The following ABCA3 variants were observed in gnomAD, a reference collection of about 807,000 sequenced individuals.
ABCA3 encodes ATP binding cassette subfamily A member 3, also known as phospholipid-transporting ATPase ABCA3.
In ABCA3, 88 loss-of-function variants were observed where a neutral mutation model predicts 172.8. The observed-to-expected ratio is 0.51, with a 90% CI of 0.43 to 0.61. The LOEUF (loss-of-function observed/expected upper bound fraction) is 0.61, where lower values mean the gene tolerates loss of function less well. Among genes scored for constraint, ABCA3 ranks in the 20% least tolerant of loss-of-function variants. ABCA3 has a pLI of 0.00. For synonymous variants in ABCA3, 1,066 were observed against 983.8 expected (o/e 1.08, Z -1.56); for missense variants, 2,164 against 2,301.0 (o/e 0.94, Z 1.22).
At chr16:2,329,093 G>A (rs2093739123) in intron 2 of ABCA3, among the ~76,000 whole-genome samples, 1 of 151,156 alleles carries the variant, frequency 6.6e-6, no homozygotes, top group Non-Finnish European at 1.5e-5. Context: ...AAATACAACT[G>A]CAAACAGTTA....
At chr16:2,324,311 A>T in intron 6 of ABCA3, 93 bp downstream of exon 6, 1 of 1,506,382 alleles carries the variant, frequency 6.6e-7, no homozygotes, top group Non-Finnish European at 8.9e-7. Context: ...TTTAAGGGAA[A>T]GCAGTGCCTT....
chr16:2,278,364 C>A lies in ABCA3; in HGVS notation c.4642G>T (p.Val1548Leu). 1 of 1,612,380 alleles carries A rather than the reference C, an allele frequency of 6.2e-7. No individual in the cohort carries two copies. The highest frequency in any genetic ancestry group is 8.5e-7 in the Non-Finnish European group (1 of 1,179,988). The change falls in exon 30 of 33, where the codon GTG (valine) becomes TTG (leucine). Residue 1548 changes from valine (V) to leucine (L), a missense_variant. By Grantham distance (32) the Val-to-Leu change is conservative. Transcript: ENST00000301732. The surrounding 1 kb of genome is among the most constrained non-coding windows in gnomAD (Gnocchi z 4.4). ...GTGTCCCAAAGCAGGCGCCGGGCCA[C>A]GGGGTCCATGCCAGTGGACGGCTCG... ...LDEPSTGMDP[V>L]ARRLLWDTVA...
intron 10 of ABCA3, among the ~76,000 whole-genome samples, chr16:2,309,407 G>C (rs1440430107): frequency 1.3e-5 from 2 of 152,190 alleles, no homozygotes; most frequent in Admixed American, 1.3e-4. Flanking sequence ...AATATAGCGG[G>C]GAGACAGAGA....
At chr16:2,309,701 TCCACCTCCCGGGCCCAAGAAGTCCTC>T (rs1423803875) in intron 10 of ABCA3, among the ~76,000 whole-genome samples, 2 of 152,098 alleles carry the variant, frequency 1.3e-5, no homozygotes, top group Non-Finnish European at 2.9e-5. Context: ...CACTGCAGCC[TCCACCTCCCGGGCCCAAGAAGTCCTC>T]CCACCTCCGG....
At position 2,285,648 on chromosome 16, in the gene ABCA3, T is replaced by C. The variant is rs1596833457; in HGVS notation, c.3279-2A>G. On this transcript the variant is annotated splice_acceptor_variant, in intron 22 of 32. Transcript: ENST00000301732. LOFTEE classifies it high-confidence loss of function. This position sits in a 1 kb window ranked among gnomAD's most constrained non-coding sequence, Gnocchi z 4.7. ...GCAATGTCGAATCCCTTCCGGCCCC[T>C]GCGGGGGACAGAGAAGGTCAGGGAC... 2 of 1,551,526 alleles carry C rather than the reference T, an allele frequency of 1.3e-6. No individual in the cohort carries two copies. Among genetic ancestry groups the C allele is most frequent in the Non-Finnish European group, 1.7e-6 (2 of 1,147,116 alleles).
chr16:2,296,211 G>A (rs1433911906), intron 17 of ABCA3, among the ~76,000 whole-genome samples: 2 of 151,946 alleles, frequency 1.3e-5, no homozygotes, highest in South Asian at 2.1e-4. Context: ...CAACGTCACC[G>A]TGCAGGAGAT....
chr16:2,297,751 G>T lies in ABCA3; in HGVS notation c.2052+15C>A. The T allele has an allele frequency of 6.2e-7, 1 of 1,609,236 alleles. No homozygotes were observed. The highest frequency in any genetic ancestry group is 8.5e-7 in the Non-Finnish European group (1 of 1,179,998). On this transcript the variant is annotated intron_variant, in intron 16 of 32. Transcript: ENST00000301732. The surrounding 1 kb of genome is among the most constrained non-coding windows in gnomAD (Gnocchi z 5.6). ...GCAGGAGGGGAACCCACTGCCTCCA[G>T]TCCCACCGCCACACCTTGGAGCCTG...
intron 28 of ABCA3, 134 bp downstream of exon 28, chr16:2,280,893 G>T (rs536127710): frequency 1.7e-6 from 2 of 1,168,692 alleles, no homozygotes; most frequent in Non-Finnish European, 2.5e-6. Flanking sequence ...GCTGTCCAGA[G>T]GCATGTGCTG....
In ABCA3 at chr16:2,278,889, G is replaced by A. The variant is rs1207408717; in HGVS notation, c.4547+54C>T. The stretch of plus-strand genomic sequence containing the variant: ...GCGGTCACTCCCAGCTCTATGCTAT[G>A]GGGACCTTGATTCTGACTCCACTCT... On this transcript the variant is annotated intron_variant, in intron 29 of 32. Transcript: ENST00000301732. The surrounding 1 kb of genome is among the most constrained non-coding windows in gnomAD (Gnocchi z 4.4). The A allele has an allele frequency of 1.2e-6, 2 of 1,609,926 alleles. No individual in the cohort carries two copies. The highest frequency in any genetic ancestry group is 8.5e-7 in the Non-Finnish European group (1 of 1,178,406).
chr16:2,276,844 G>T, intron 32 of ABCA3, 39 bp from the exon 33 acceptor site: 1 of 1,612,440 alleles, frequency 6.2e-7, no homozygotes, highest in African/African-American at 1.3e-5. Context: ...GAGAGAACAG[G>T]GCCCAGGCTC....
At chr16:2,322,442 A>G (rs1444451428) in intron 7 of ABCA3, among the ~76,000 whole-genome samples, 1 of 151,452 alleles carries the variant, frequency 6.6e-6, no homozygotes, top group East Asian at 1.9e-4. Context: ...GGTTAGTTAC[A>G]TAGGTATACA....
rs771804201 is a variant in ABCA3, at chr16:2,308,626, G to A, written c.1112-3C>T. 2 of 1,613,916 alleles carry A rather than the reference G, an allele frequency of 1.2e-6. No individual in the cohort carries two copies. Among genetic ancestry groups the A allele is most frequent in the South Asian group, 2.2e-5 (2 of 91,072 alleles). Reference sequence around the variant, plus strand: ...TCCGAAGGCTGCTGCCATGTTGGCTGCAGGTGTTGGAAGACCCGGGGGGCG... The same window carrying A: ...TCCGAAGGCTGCTGCCATGTTGGCTACAGGTGTTGGAAGACCCGGGGGGCG... On this transcript the variant is annotated splice_polypyrimidine_tract_variant and splice_region_variant and intron_variant, in intron 10 of 32. Coordinates refer to ENST00000301732, the MANE Select transcript of ABCA3 (RefSeq NM_001089.3).
intron 2 of ABCA3, among the ~76,000 whole-genome samples, chr16:2,329,407 C>T (rs991282891): frequency 6.6e-6 from 1 of 152,076 alleles, no homozygotes; most frequent in Non-Finnish European, 1.5e-5. Flanking sequence ...TCCAGATGGG[C>T]GTGGGGTTGG....
At position 2,287,995 on chromosome 16, in the gene ABCA3, G is replaced by GC; in HGVS notation, c.3004+30dup. On this transcript the variant is annotated intron_variant, in intron 21 of 32. Transcript: ENST00000301732. The surrounding 1 kb of genome is among the most constrained non-coding windows in gnomAD (Gnocchi z 4.1). Reference sequence around the variant, plus strand: ...TCTGGCTGCAGGACTGGCCCCCGATGCCCCCGTCCCGCCCCCGGGATGCCC... The same window carrying GC: ...TCTGGCTGCAGGACTGGCCCCCGATGCCCCCCGTCCCGCCCCCGGGATGCCC... The GC allele has an allele frequency of 6.3e-7, 1 of 1,596,638 alleles. No individual in the cohort carries two copies.
Position 2,297,489 on chromosome 16 carries a change from C to T in ABCA3, c.2103G>A (p.Arg701=), listed in dbSNP as rs964159527. The change falls in exon 17 of 33, where the codon AGG becomes AGA. Residue 701 remains arginine (R), a synonymous_variant. Coordinates refer to ENST00000301732, the MANE Select transcript of ABCA3 (RefSeq NM_001089.3). The surrounding 1 kb of genome is among the most constrained non-coding windows in gnomAD (Gnocchi z 5.6). ...GCCGCTGAAGAAGATCCCAGATGGC[C>T]CTCCTGGAGATGGCGTCCATGCCCG... ...PTSGMDAISR[R]AIWDLLQRQK... is the part of the protein sequence containing the mutation. The T allele has an allele frequency of 1.2e-6, 2 of 1,613,538 alleles. No homozygotes were observed. Among genetic ancestry groups the T allele is most frequent in the South Asian group, 1.1e-5 (1 of 91,070 alleles).
Position 2,284,234 on chromosome 16 carries a change from T to A in ABCA3, c.3862+45A>T, listed in dbSNP as rs1328804849. 8 of 1,595,090 alleles carry A rather than the reference T, an allele frequency of 5.0e-6. No individual in the cohort carries two copies. Among genetic ancestry groups the A allele is most frequent in the Non-Finnish European group, 6.0e-6 (7 of 1,169,526 alleles). ...AGGCCCCTCTGCAGTGACCACGTCC[T>A]GAGGACGCAGGGGTGCTGCCCGGGG... On this transcript the variant is annotated intron_variant, in intron 25 of 32. Coordinates refer to ENST00000301732, the MANE Select transcript of ABCA3 (RefSeq NM_001089.3). This position sits in a 1 kb window ranked among gnomAD's most constrained non-coding sequence, Gnocchi z 5.9.
chr16:2,324,314 AG>A, intron 6 of ABCA3, 89 bp downstream of exon 6: 1 of 1,508,822 alleles, frequency 6.6e-7, no homozygotes, highest in Non-Finnish European at 8.9e-7. Context: ...AAGGGAAAGC[AG>A]TGCCTTTTAC....
chr16:2,295,721 C>T lies in ABCA3; in HGVS notation c.2283G>A (p.Thr761=), dbSNP rs757924380. 2.0e-5 allele frequency: 32 copies of T among 1,613,864 alleles called. No individual in the cohort carries two copies. Among genetic ancestry groups the T allele is most frequent in the Middle Eastern group, 1.6e-4 (1 of 6,084 alleles). ...KQKYGAGYHM[T]LVKEPHCNPE... is the part of the protein sequence containing the mutation. ...GGTTGCAGTGCGGCTCCTTCACCAGCGTCATGTGATAGCCGGCACCTGGAA... is the reference window on the plus strand; with the variant it reads ...GGTTGCAGTGCGGCTCCTTCACCAGTGTCATGTGATAGCCGGCACCTGGAA... Residue 761 remains threonine, a synonymous_variant, in exon 18 of 33, where the codon ACG becomes ACA. Coordinates refer to ENST00000301732, the MANE Select transcript of ABCA3 (RefSeq NM_001089.3).
In ABCA3 at chr16:2,290,001, A is replaced by ACACACACACACC. The variant is rs770697754; in HGVS notation, c.2514-382_2514-381insGGTGTGTGTGTG. Among the ~76,000 whole-genome samples, 12 of 137,222 alleles carry ACACACACACACC rather than the reference A, an allele frequency of 8.7e-5. No homozygotes were observed. The East Asian group carries it at 2.8e-3, about 32-fold the overall frequency. 90.0% of individuals were successfully genotyped at this position (137,222 alleles called of 152,430 possible). A position where few individuals can be genotyped will look rare whatever the true frequency, so the allele number is the denominator to read the frequency against. On this transcript the variant is annotated intron_variant, in intron 19 of 32. Transcript: ENST00000301732. ...CACACACACACACACACACACACAC[A>ACACACACACACC]CCCCTTCCTAGAGCTCCCCGCCGAT... is the stretch of plus-strand genomic sequence containing the variant.
Sources: allele counts gnomAD v4.1 joint callset (sites outside exome capture counted in the v4.1 genomes callset), GRCh38; gene constraint gnomAD v4.1.1; non-coding constraint Gnocchi (gnomAD v3.1); transcripts MANE v1.5; gene names NCBI Gene and HGNC (gene_info 2026-07-23, HGNC 2026-07-21).